Variants in SVOPL observed in about 807,000 individuals in gnomAD.
The protein encoded by SVOPL is putative transporter SVOPL.
A neutral mutation model predicts 61.0 loss-of-function variants in SVOPL; 60 were observed. That is an observed-to-expected ratio of 0.98 (90% CI 0.80 to 1.22). SVOPL has a LOEUF of 1.22. Among genes scored for constraint, SVOPL ranks in the 50% most tolerant of loss-of-function variants. The pLI, the probability that SVOPL is intolerant of heterozygous loss-of-function variation, is 0.00. For synonymous variants in SVOPL, 279 were observed against 250.0 expected (o/e 1.12, Z -1.09); for missense variants, 662 against 643.9 (o/e 1.03, Z -0.30).
chr7:138,680,452 T>G (rs1228113253), intron 1 of SVOPL, among the ~76,000 whole-genome samples: 1 of 151,898 alleles, frequency 6.6e-6, no homozygotes, highest in East Asian at 2.0e-4. Flanking sequence ...CCTGGCTGCT[T>G]CTTTTTAACC....
At chr7:138,597,161 T>A (rs1659831) in intron 14 of SVOPL, 1 of 1,287,676 alleles carries the variant, frequency 7.8e-7, no homozygotes, top group Non-Finnish European at 1.0e-6. Flanking sequence ...TCTCATACTT[T>A]AGTTTCTCTT....
chr7:138,604,854 A>G (rs1174437209), intron 14 of SVOPL, among the ~76,000 whole-genome samples: 1 of 152,046 alleles, frequency 6.6e-6, no homozygotes, highest in African/African-American at 2.4e-5. Context: ...AAATTGATGC[A>G]TGAAATATTT....
rs192435986 is a variant in SVOPL, at chr7:138,642,003, T to A, written c.789+2714A>T. Among the ~76,000 whole-genome samples the A allele has an allele frequency of 2.3e-3, 349 of 150,552 alleles. 3 individuals carry two copies. Among genetic ancestry groups the A allele is most frequent in the African/African-American group, 8.1e-3 (334 of 41,094 alleles). On this transcript the variant is annotated intron_variant, in intron 9 of 15. Transcript: ENST00000674285. ...ATTCTTTTTAAACACTCTTGTGACA[T>A]TAACAAGAAGTCCCTATATAGAGGA...
intron 10 of SVOPL, 32 bp from the exon 11 acceptor site, chr7:138,628,395 C>A (rs768277354): frequency 2.4e-5 from 38 of 1,606,218 alleles, no homozygotes; most frequent in Non-Finnish European, 3.0e-5. Context: ...CACTAGCCAA[C>A]GCTGACACCA....
At position 138,614,277 on chromosome 7, in the gene SVOPL, C is replaced by T. The variant is rs561276532; in HGVS notation, c.1353+6769G>A. ...ACAGAGTCTCTGTTTGTCTACTTTG[C>T]TCTCTTCTGAAGCCTGAAAGGCTGA... is the stretch of plus-strand genomic sequence containing the variant. On this transcript the variant is annotated intron_variant, in intron 14 of 15. Coordinates refer to ENST00000674285, the MANE Select transcript of SVOPL (RefSeq NM_001139456.2). Among the ~76,000 whole-genome samples, 4 of 152,252 alleles carry T rather than the reference C, an allele frequency of 2.6e-5. No homozygotes were observed. In the South Asian group the frequency reaches 8.3e-4, roughly 32 times the overall value.
chr7:138,675,832 G>C (rs1359431976), intron 3 of SVOPL, among the ~76,000 whole-genome samples: 4 of 151,762 alleles, frequency 2.6e-5, no homozygotes, highest in African/African-American at 4.8e-5. Context: ...TGGGTATGAA[G>C]CTTTGTTTTG....
chr7:138,686,922 T>C lies in SVOPL; in HGVS notation c.-34-7843A>G, dbSNP rs138252314. On this transcript the variant is annotated intron_variant, in intron 1 of 15. Coordinates refer to ENST00000674285, the MANE Select transcript of SVOPL (RefSeq NM_001139456.2). ...AACATAACAAACAATTATACTGCAG[T>C]GTATATATTCTTTGTTTTCTTAAAC... is the stretch of plus-strand genomic sequence containing the variant. Among the ~76,000 whole-genome samples the C allele has an allele frequency of 4.1e-4, 63 of 152,232 alleles. 2 individuals are homozygous for C. The East Asian group carries it at 8.7e-3, about 21-fold the overall frequency.
At chr7:138,599,623 C>T (rs887867829) in intron 14 of SVOPL, among the ~76,000 whole-genome samples, 2 of 152,114 alleles carry the variant, frequency 1.3e-5, no homozygotes, top group Non-Finnish European at 2.9e-5. Flanking sequence ...CGTGGTGGCT[C>T]ATGCCTGTAA....
chr7:138,693,515 G>GA, intron 1 of SVOPL, among the ~76,000 whole-genome samples: 1 of 91,304 alleles, frequency 1.1e-5, no homozygotes, highest in Non-Finnish European at 2.3e-5. Flanking sequence ...AGGAAAGAAA[G>GA]AAGAAAAGAA....
In SVOPL at chr7:138,632,341, G is replaced by T. The variant is rs548929635; in HGVS notation, c.790-2219C>A. On this transcript the variant is annotated intron_variant, in intron 9 of 15. Transcript: ENST00000674285. ...CCCAGCTGCTCTGGAGGCTGAGGCA[G>T]GAGACTCGCTTGAACCTGGGAGGTG... 3.0e-4 allele frequency among the ~76,000 whole-genome samples: 46 copies of T among 152,354 alleles called. 1 individual carries two copies. Among genetic ancestry groups the T allele is most frequent in the Middle Eastern group, 3.4e-3 (1 of 294 alleles).
chr7:138,677,118 A>G (rs1433706841), intron 3 of SVOPL, among the ~76,000 whole-genome samples: 2 of 151,964 alleles, frequency 1.3e-5, no homozygotes, highest in African/African-American at 2.4e-5. Flanking sequence ...GTTAGCCAGG[A>G]TGGTCTCGAT....
At chr7:138,605,469 C>T (rs1337118598) in intron 14 of SVOPL, among the ~76,000 whole-genome samples, 1 of 151,908 alleles carries the variant, frequency 6.6e-6, no homozygotes, top group African/African-American at 2.4e-5. Flanking sequence ...TGAGATCAGC[C>T]TGGCCAACAC....
At chr7:138,688,947 T>A (rs1232548940) in intron 1 of SVOPL, 1 of 559,446 alleles carries the variant, frequency 1.8e-6, no homozygotes, top group Non-Finnish European at 3.3e-6. Flanking sequence ...CAGCTCTTCC[T>A]CTTTCCCTAA....
At chr7:138,608,395 T>C (rs539285124) in intron 14 of SVOPL, among the ~76,000 whole-genome samples, 6 of 152,254 alleles carry the variant, frequency 3.9e-5, no homozygotes, top group African/African-American at 1.4e-4. Flanking sequence ...AATAGCGAGC[T>C]AGAAATAGGC....
intron 9 of SVOPL, 52 bp downstream of exon 9, chr7:138,644,665 A>G: frequency 6.3e-7 from 1 of 1,597,592 alleles, no homozygotes; most frequent in Non-Finnish European, 8.5e-7. Context: ...AACTGAGGGG[A>G]TTTCCCAGTG....
intron 14 of SVOPL, among the ~76,000 whole-genome samples, chr7:138,608,976 A>C (rs55966209): frequency 0.025 from 3,861 of 152,258 alleles, 69 homozygotes; most frequent in Non-Finnish European, 0.041. Context: ...ATATATATAC[A>C]CACATATTTA....
chr7:138,693,967 C>T (rs1803010871), intron 1 of SVOPL, among the ~76,000 whole-genome samples: 1 of 152,040 alleles, frequency 6.6e-6, no homozygotes, highest in Admixed American at 6.6e-5. Flanking sequence ...ATCTATGAAA[C>T]TGTGTTCACC....
At chr7:138,622,208 A>G (rs1584793708) in intron 13 of SVOPL, among the ~76,000 whole-genome samples, 2 of 110,288 alleles carry the variant, frequency 1.8e-5, no homozygotes, top group Admixed American at 9.5e-5. Context: ...CTATGTATCT[A>G]TCTATCTATC....
At chr7:138,671,060 CTG>C (rs1802403067) in intron 4 of SVOPL, among the ~76,000 whole-genome samples, 1 of 152,094 alleles carries the variant, frequency 6.6e-6, no homozygotes, top group South Asian at 2.1e-4. Flanking sequence ...AACTGAAAAA[CTG>C]TAATATGTAT....
Sources: allele counts gnomAD v4.1 joint callset (sites outside exome capture counted in the v4.1 genomes callset), GRCh38; gene constraint gnomAD v4.1.1; transcripts MANE v1.5; gene names NCBI Gene and HGNC (gene_info 2026-07-23, HGNC 2026-07-21).